The following SIM1 variants were observed in gnomAD, a reference collection of about 807,000 sequenced individuals.
SIM1 encodes single-minded homolog 1.
Under a neutral mutation model 78.2 loss-of-function variants are expected in SIM1, and 18 were observed. That is an observed-to-expected ratio of 0.23 (90% CI 0.16 to 0.34). The LOEUF is 0.34. SIM1 is among the 10% of genes least tolerant of loss of function. The pLI is 1.00. For synonymous variants in SIM1, 417 were observed against 385.2 expected (o/e 1.08, Z -0.97); for missense variants, 939 against 975.1 (o/e 0.96, Z 0.49).
chr6:100,390,654 T>C lies in SIM1; in HGVS notation c.2008A>G (p.Ser670Gly), dbSNP rs1291285188. 2 of 1,614,082 alleles carry C rather than the reference T, an allele frequency of 1.2e-6. No individual in the cohort carries two copies. The highest frequency in any genetic ancestry group is 2.2e-5 in the East Asian group (1 of 44,886). Residue 670 changes from serine (S) to glycine (G), a missense_variant, in exon 12 of 12, where the codon AGT (serine) becomes GGT (glycine). Ser to Gly is a moderately conservative substitution (Grantham distance 56). This residue lies in a region of SIM1 where 556 missense variants were observed against 521.9 expected (regional missense o/e 1.07). Coordinates refer to ENST00000369208, the MANE Select transcript of SIM1 (RefSeq NM_005068.3). ...SPNSDRISKS[S>G]LILAKDYLHS... ...AGATAGTCTTTAGCTAGGATCAAAC[T>C]GGATTTTGAAATGCGATCCGAATTG...
chr6:100,443,644 C>T (rs1313184180), intron 9 of SIM1, among the ~76,000 whole-genome samples: 1 of 148,340 alleles, frequency 6.7e-6, no homozygotes, highest in Non-Finnish European at 1.5e-5. Flanking sequence ...AGTAAACTAG[C>T]TCTCAACTAT....
intron 10 of SIM1, among the ~76,000 whole-genome samples, chr6:100,412,655 A>G (rs188964158): frequency 0.014 from 1,373 of 96,476 alleles, 90 homozygotes; most frequent in African/African-American, 0.034. Context: ...GAAAGAAAGA[A>G]AGAGAGAGAG....
intron 2 of SIM1, among the ~76,000 whole-genome samples, chr6:100,458,533 C>T (rs1304492747): frequency 6.6e-6 from 1 of 152,208 alleles, no homozygotes. Context: ...GCTGCTGGCA[C>T]ACACCTGCAC....
rs1255693471 is a variant in SIM1, at chr6:100,453,860, A to G, written c.176-16T>C. The G allele has an allele frequency of 1.0e-5, 16 of 1,596,072 alleles. No individual in the cohort carries two copies. Among genetic ancestry groups the G allele is most frequent in the Non-Finnish European group, 1.4e-5 (16 of 1,170,382 alleles). ...TCGCCGAGCCCTGTGGAGACACAGAAGCATCCTGTAGCCACTGAACCCGGA... is the reference window on the plus strand; with the variant it reads ...TCGCCGAGCCCTGTGGAGACACAGAGGCATCCTGTAGCCACTGAACCCGGA... On this transcript the variant is annotated splice_polypyrimidine_tract_variant and intron_variant, in intron 2 of 11. Transcript: ENST00000369208.
At chr6:100,417,583 A>G (rs1455405207) in intron 10 of SIM1, among the ~76,000 whole-genome samples, 2 of 152,194 alleles carry the variant, frequency 1.3e-5, no homozygotes, top group Non-Finnish European at 2.9e-5. Context: ...AGCTAATTTA[A>G]AAAAAATTTT....
At position 100,389,909 on chromosome 6, in the gene SIM1, A is replaced by T. The variant is rs1582597485; in HGVS notation, c.*452T>A. On this transcript the variant is annotated 3_prime_UTR_variant, in exon 12 of 12. Transcript: ENST00000369208. Reference sequence around the variant, plus strand: ...AAATTTCGTTAAGAAGTTTAGTGTGACAGAGTCAAAGAAAATTACCCATTT... The same window carrying T: ...AAATTTCGTTAAGAAGTTTAGTGTGTCAGAGTCAAAGAAAATTACCCATTT... The T allele has an allele frequency of 5.0e-6, 2 of 396,344 alleles. No individual in the cohort carries two copies. The highest frequency in any genetic ancestry group is 8.9e-6 in the Non-Finnish European group (2 of 225,180). The allele number at this position is 396,344 out of a possible 1,614,324, so 24.6% of individuals were successfully genotyped here.
intron 6 of SIM1, 98 bp downstream of exon 6, chr6:100,449,265 C>A: frequency 2.0e-6 from 2 of 981,598 alleles, no homozygotes; most frequent in Non-Finnish European, 3.2e-6. Flanking sequence ...GGTGCCCTTG[C>A]GGGTAGTCCC....
chr6:100,422,727 G>A (rs1223731267), intron 9 of SIM1, among the ~76,000 whole-genome samples: 3 of 152,144 alleles, frequency 2.0e-5, no homozygotes, highest in African/African-American at 4.8e-5. Context: ...ATGAATATAT[G>A]AGGTAATGCA....
At chr6:100,453,313 T>A (rs939771246) in intron 3 of SIM1, among the ~76,000 whole-genome samples, 2 of 152,230 alleles carry the variant, frequency 1.3e-5, no homozygotes, top group Admixed American at 1.3e-4. Flanking sequence ...CAGATGTAGC[T>A]GAATTGGAAA....
At chr6:100,421,455 T>C (rs759579067) in intron 9 of SIM1, among the ~76,000 whole-genome samples, 13 of 152,234 alleles carry the variant, frequency 8.5e-5, no homozygotes, top group Admixed American at 2.6e-4. Flanking sequence ...GTTCAGTTCC[T>C]TTAGGTACAT....
chr6:100,412,747 GAAA>G (rs1771286038), intron 10 of SIM1, among the ~76,000 whole-genome samples: 1 of 127,666 alleles, frequency 7.8e-6, no homozygotes, highest in Non-Finnish European at 1.7e-5. Flanking sequence ...AAGAAAGAAA[GAAA>G]GAAAAAAGAA....
Position 100,388,325 on chromosome 6 carries a change from A to G in SIM1, c.*2036T>C, listed in dbSNP as rs559181166. The G allele has an allele frequency of 6.6e-6, 1 of 151,936 alleles. No individual in the cohort carries two copies. Among genetic ancestry groups the G allele is most frequent in the East Asian group, 1.9e-4 (1 of 5,148 alleles). 9.4% of individuals were successfully genotyped at this position (151,936 alleles called of 1,614,324 possible). On this transcript the variant is annotated 3_prime_UTR_variant, in exon 12 of 12. Coordinates refer to ENST00000369208, the MANE Select transcript of SIM1 (RefSeq NM_005068.3). ...GTATACTCAGGTTTCACATTTCTCCAAATACTGGGTTTTTTATCTGCATTT... is the reference window on the plus strand; with the variant it reads ...GTATACTCAGGTTTCACATTTCTCCGAATACTGGGTTTTTTATCTGCATTT...
At chr6:100,448,350 C>A in intron 7 of SIM1, 98 bp from the exon 8 acceptor site, 1 of 1,370,074 alleles carries the variant, frequency 7.3e-7, no homozygotes, top group South Asian at 1.3e-5. Context: ...GCTGTCCGCC[C>A]TCACTTTCCA....
chr6:100,420,943 T>C lies in SIM1; in HGVS notation c.1014A>G (p.Lys338=), dbSNP rs1771563476. ...VNYVLTDTEY[K]GLQLSLDQIS... ...TCTGATCCAGGGAGAGCTGCAGCCC[T>C]TTGTATTCTGTGTCTCTGCAGGGTG... Residue 338 remains lysine, a synonymous_variant, in exon 10 of 12, where the codon AAA becomes AAG. Coordinates refer to ENST00000369208, the MANE Select transcript of SIM1 (RefSeq NM_005068.3). 2 of 1,613,526 alleles carry C rather than the reference T, an allele frequency of 1.2e-6. No individual in the cohort carries two copies. Among genetic ancestry groups the C allele is most frequent in the Non-Finnish European group, 1.7e-6 (2 of 1,179,808 alleles).
chr6:100,449,775 A>T, intron 4 of SIM1, 76 bp from the exon 5 acceptor site: 1 of 1,233,722 alleles, frequency 8.1e-7, no homozygotes. Flanking sequence ...AGGCCAGGGG[A>T]TCTGCAGGAC....
intron 11 of SIM1, among the ~76,000 whole-genome samples, chr6:100,392,010 T>C (rs1454370931): frequency 6.6e-6 from 1 of 152,006 alleles, no homozygotes; most frequent in Admixed American, 6.6e-5. Context: ...CCGTCTCTAC[T>C]AAAAAATACA....
chr6:100,389,614 T>A lies in SIM1; in HGVS notation c.*747A>T. ...CCAATTGAGCACTCCAGGTTTTTGATGTGTGTCCCAATATCTCAGTGTTCT... is the reference window on the plus strand; with the variant it reads ...CCAATTGAGCACTCCAGGTTTTTGAAGTGTGTCCCAATATCTCAGTGTTCT... On this transcript the variant is annotated 3_prime_UTR_variant, in exon 12 of 12. Transcript: ENST00000369208. 1 of 398,968 alleles carries A rather than the reference T, an allele frequency of 2.5e-6. No individual in the cohort carries two copies. The highest frequency in any genetic ancestry group is 4.4e-6 in the Non-Finnish European group (1 of 226,008). 24.7% of individuals were successfully genotyped at this position (398,968 alleles called of 1,614,324 possible).
chr6:100,398,010 A>G (rs1032406562), intron 10 of SIM1, among the ~76,000 whole-genome samples: 6 of 152,144 alleles, frequency 3.9e-5, no homozygotes, highest in Admixed American at 3.3e-4. Flanking sequence ...AATAATGACA[A>G]CACCAATTGC....
chr6:100,437,012 A>G (rs967914792), intron 9 of SIM1, among the ~76,000 whole-genome samples: 1 of 152,120 alleles, frequency 6.6e-6, no homozygotes, highest in Non-Finnish European at 1.5e-5. Context: ...CTGGGATGAC[A>G]GGCATGAGCC....
Sources: allele counts gnomAD v4.1 joint callset (sites outside exome capture counted in the v4.1 genomes callset), GRCh38; gene constraint gnomAD v4.1.1; regional missense constraint gnomAD v4.1.1; transcripts MANE v1.5; gene names NCBI Gene and HGNC (gene_info 2026-07-23, HGNC 2026-07-21).